Variants in PRKN observed in about 807,000 individuals in gnomAD.
PRKN encodes the protein parkin RBR E3 ubiquitin protein ligase.
PRKN carries 56 observed loss-of-function variants against 59.5 expected under a neutral mutation model. The ratio of observed to expected loss-of-function variants is 0.94; its 90% CI spans 0.76 to 1.18. The LOEUF is 1.18. PRKN is among the 50% of genes most tolerant of loss of function. PRKN has a pLI of 0.00. For synonymous variants in PRKN, 250 were observed against 222.1 expected, an observed-to-expected ratio of 1.13 and a Z score of -1.12; for missense variants, 657 against 596.4, an observed-to-expected ratio of 1.10 and a Z score of -1.06.
intron 7 of PRKN, among the ~76,000 whole-genome samples, chr6:161,782,041 G>T (rs895516533): frequency 4.6e-5 from 7 of 152,126 alleles, no homozygotes; most frequent in Admixed American, 1.3e-4. Context: ...TTTCCCTTTG[G>T]TGCAGTAACC....
In PRKN at chr6:161,369,925, G is replaced by A. The variant is rs1299700626; in HGVS notation, c.1168-9720C>T. 1 of 412,058 alleles carries A rather than the reference G, an allele frequency of 2.4e-6. No homozygotes were observed. Among genetic ancestry groups the A allele is most frequent in the East Asian group, 7.3e-5 (1 of 13,650 alleles). The allele number at this position is 412,058 out of a possible 1,614,324, so 25.5% of individuals were successfully genotyped here. On this transcript the variant is annotated intron_variant, in intron 10 of 11. Coordinates refer to ENST00000366898, the MANE Select transcript of PRKN (RefSeq NM_004562.3). This position sits in a 1 kb window ranked among gnomAD's most constrained non-coding sequence, Gnocchi z 5.8. ...TGGCTCAAGAGGAATAACCTCACAA[G>A]GGTCATCGTGAGTAAGATCAACACA...
At position 161,451,294 on chromosome 6, in the gene PRKN, A is replaced by G. The variant is rs1215931431; in HGVS notation, c.1084-64417T>C. Among the ~76,000 whole-genome samples the G allele has an allele frequency of 2.0e-5, 3 of 152,156 alleles. No individual in the cohort carries two copies. On this transcript the variant is annotated intron_variant, in intron 9 of 11. Transcript: ENST00000366898. The surrounding 1 kb of genome is among the most constrained non-coding windows in gnomAD (Gnocchi z 5.9). Reference sequence around the variant, plus strand: ...TAAAACACCTCCAGTTTCTTCAATGACTTCCACGAGAAGACCTCTCTGGAG... The same window carrying G: ...TAAAACACCTCCAGTTTCTTCAATGGCTTCCACGAGAAGACCTCTCTGGAG...
At chr6:162,720,358 T>C (rs1203594941) in intron 1 of PRKN, among the ~76,000 whole-genome samples, 3 of 151,930 alleles carry the variant, frequency 2.0e-5, no homozygotes, top group Non-Finnish European at 4.4e-5. Flanking sequence ...TGTTCAGGTC[T>C]TACAGTAAAA....
chr6:161,404,896 G>A (rs554553274), intron 9 of PRKN, among the ~76,000 whole-genome samples: 4 of 152,156 alleles, frequency 2.6e-5, no homozygotes, highest in East Asian at 1.9e-4. Context: ...AACAGAATGC[G>A]AAGCCGTAAA....
rs1784819330 is a variant in PRKN at position 161,357,819 on chromosome 6, A to G, written c.1285+2269T>C. Among the ~76,000 whole-genome samples, 1 of 152,222 alleles carries G rather than the reference A, an allele frequency of 6.6e-6. No individual in the cohort carries two copies. Among genetic ancestry groups the G allele is most frequent in the African/African-American group, 2.4e-5 (1 of 41,448 alleles). On this transcript the variant is annotated intron_variant, in intron 11 of 11. Transcript: ENST00000366898. This position sits in a 1 kb window ranked among gnomAD's most constrained non-coding sequence, Gnocchi z 5.5. ...TGCCTTCATAACCTTCATCCACACG[A>G]ATCAGAGCACGTCTCACGGAGCGTG...
At chr6:161,621,081 A>C (rs961868817) in intron 7 of PRKN, among the ~76,000 whole-genome samples, 8 of 152,132 alleles carry the variant, frequency 5.3e-5, no homozygotes, top group Admixed American at 1.3e-4. Context: ...AATGCCCCTG[A>C]CAGCCTGGGT....
At chr6:161,616,800 A>G (rs555648333) in intron 7 of PRKN, among the ~76,000 whole-genome samples, 60 of 152,324 alleles carry the variant, frequency 3.9e-4, no homozygotes, top group African/African-American at 1.4e-3. Flanking sequence ...TGCTTTATCC[A>G]GTCTATCATT....
chr6:162,277,100 A>T (rs1780668832), intron 2 of PRKN, among the ~76,000 whole-genome samples: 1 of 152,206 alleles, frequency 6.6e-6, no homozygotes, highest in Non-Finnish European at 1.5e-5. Flanking sequence ...GGCACAGACA[A>T]TCATATTTTT....
chr6:161,985,819 A>G (rs1245071844), intron 5 of PRKN, among the ~76,000 whole-genome samples: 1 of 151,986 alleles, frequency 6.6e-6, no homozygotes, highest in Non-Finnish European at 1.5e-5. Flanking sequence ...AGACCCTTTG[A>G]GGAGGGGCTG....
intron 3 of PRKN, among the ~76,000 whole-genome samples, chr6:162,245,685 C>T (rs1484623152): frequency 2.6e-5 from 4 of 152,036 alleles, no homozygotes; most frequent in Admixed American, 6.6e-5. Flanking sequence ...AATCTGCAAC[C>T]GGGGTTCTCC....
chr6:162,547,479 C>T (rs768532639), intron 1 of PRKN, among the ~76,000 whole-genome samples: 5 of 152,108 alleles, frequency 3.3e-5, no homozygotes, highest in Non-Finnish European at 5.9e-5. Flanking sequence ...TACAAAAACC[C>T]GTCGATTGAA....
chr6:161,720,997 G>C (rs759115679), intron 7 of PRKN, among the ~76,000 whole-genome samples: 4 of 152,124 alleles, frequency 2.6e-5, no homozygotes, highest in Non-Finnish European at 4.4e-5. Flanking sequence ...GGATTTTCTA[G>C]AGGAATATCA....
At chr6:161,711,564 T>C (rs1786751767) in intron 7 of PRKN, among the ~76,000 whole-genome samples, 2 of 152,180 alleles carry the variant, frequency 1.3e-5, no homozygotes, top group Admixed American at 6.5e-5. Flanking sequence ...AGAGGAGTGA[T>C]GGTTAATACT....
At chr6:161,934,995 G>A (rs1779300781) in intron 6 of PRKN, among the ~76,000 whole-genome samples, 1 of 152,014 alleles carries the variant, frequency 6.6e-6, no homozygotes. Flanking sequence ...GAGTTGCACA[G>A]GAAGAATTTT....
intron 2 of PRKN, among the ~76,000 whole-genome samples, chr6:162,370,035 C>T (rs1008600165): frequency 9.2e-5 from 14 of 152,178 alleles, no homozygotes; most frequent in Non-Finnish European, 1.8e-4. Flanking sequence ...TGGCCACCTA[C>T]GCTTTTTGAG....
At chr6:161,737,560 G>T (rs1296334801) in intron 7 of PRKN, among the ~76,000 whole-genome samples, 1 of 152,172 alleles carries the variant, frequency 6.6e-6, no homozygotes, top group Non-Finnish European at 1.5e-5. Context: ...TGCTGTATGT[G>T]CCTGAAATAT....
chr6:162,102,111 G>T (rs902334738), intron 4 of PRKN, among the ~76,000 whole-genome samples: 3 of 152,150 alleles, frequency 2.0e-5, no homozygotes, highest in African/African-American at 7.2e-5. Context: ...TGCCACGGTG[G>T]TTTGCTGCCC....
intron 7 of PRKN, among the ~76,000 whole-genome samples, chr6:161,612,852 T>C (rs1338317429): frequency 2.0e-5 from 3 of 152,154 alleles, no homozygotes; most frequent in Admixed American, 6.5e-5. Context: ...AGCCCACTGT[T>C]GAGACCTACT....
intron 7 of PRKN, among the ~76,000 whole-genome samples, chr6:161,721,931 A>G (rs1460528040): frequency 6.6e-6 from 1 of 152,206 alleles, no homozygotes; most frequent in Non-Finnish European, 1.5e-5. Context: ...GAAGTTTTTG[A>G]AAAGGGGATT....
Sources: gnomAD v4.1 joint callset for allele counts (sites outside exome capture counted in the v4.1 genomes callset) on GRCh38, gnomAD v4.1.1 for gene constraint, Gnocchi (gnomAD v3.1) non-coding constraint, MANE v1.5 for transcripts, NCBI Gene and HGNC (gene_info 2026-07-23, HGNC 2026-07-21) for gene names.